Variants in GPHN observed in about 807,000 individuals in gnomAD.
GPHN encodes the protein gephyrin.
A neutral mutation model predicts 95.5 loss-of-function variants in GPHN; 17 were observed. The observed-to-expected ratio is 0.18, with a 90% CI of 0.12 to 0.27. The LOEUF (loss-of-function observed/expected upper bound fraction) is 0.27. Among genes scored for constraint, GPHN ranks in the 10% least tolerant of loss-of-function variants. The pLI is 1.00. For synonymous variants in GPHN, 320 were observed against 322.5 expected (o/e 0.99, Z 0.08); for missense variants, 660 against 978.1 (o/e 0.67, Z 4.34).
chr14:66,985,676 T>C (rs1455049966), intron 9 of GPHN: 1 of 1,524,502 alleles, frequency 6.6e-7, no homozygotes, highest in African/African-American at 1.4e-5. Flanking sequence ...TCTTCCCTCA[T>C]TGTAGCAAAT....
chr14:67,507,379 A>G, the GPHN span, among the ~76,000 whole-genome samples: 1 of 151,998 alleles, frequency 6.6e-6, no homozygotes, highest in Non-Finnish European at 1.5e-5. Flanking sequence ...ACAAAAAAAC[A>G]TCAACCAGAG....
intron 4 of GPHN, among the ~76,000 whole-genome samples, chr14:66,829,006 T>C (rs2153496806): frequency 6.6e-6 from 1 of 151,898 alleles, no homozygotes. Flanking sequence ...TATGAAAGCA[T>C]GATAATTCTC....
At chr14:67,023,756 G>T in intron 10 of GPHN, 81 bp downstream of exon 10, 2 of 1,107,214 alleles carry the variant, frequency 1.8e-6, no homozygotes, top group Non-Finnish European at 2.8e-6. Context: ...AAAAAAAGAA[G>T]AAAAGCAATG....
the GPHN span, chr14:67,695,753 C>A: frequency 3.2e-6 from 5 of 1,557,322 alleles, no homozygotes; most frequent in Middle Eastern, 1.7e-4. Context: ...CGTTGCTCGC[C>A]GACTATGGCT....
chr14:66,547,891 A>C (rs978035615), intron 1 of GPHN, among the ~76,000 whole-genome samples: 3 of 152,250 alleles, frequency 2.0e-5, no homozygotes, highest in African/African-American at 7.2e-5. Context: ...TAAAAGTGCC[A>C]TAAAACATTG....
chr14:67,731,913 G>A, the GPHN span, among the ~76,000 whole-genome samples: 21 of 151,888 alleles, frequency 1.4e-4, no homozygotes, highest in Admixed American at 1.2e-3. Flanking sequence ...GATCACTTGA[G>A]GTCAGGAGTT....
At chr14:67,123,927 GAC>G (rs1005309948) in intron 17 of GPHN, among the ~76,000 whole-genome samples, 2 of 152,096 alleles carry the variant, frequency 1.3e-5, no homozygotes, top group African/African-American at 4.8e-5. Flanking sequence ...CTAAACCTTG[GAC>G]ACAAGCATCT....
intron 9 of GPHN, among the ~76,000 whole-genome samples, chr14:66,965,702 C>G (rs888444007): frequency 1.3e-5 from 2 of 152,128 alleles, no homozygotes; most frequent in Non-Finnish European, 2.9e-5. Flanking sequence ...AATTGTGTCA[C>G]CAAAGGGATT....
chr14:67,018,154 A>C (rs1433034076), intron 9 of GPHN, among the ~76,000 whole-genome samples: 1 of 152,104 alleles, frequency 6.6e-6, no homozygotes, highest in African/African-American at 2.4e-5. Flanking sequence ...CTATATTAGA[A>C]TTTCAAATAA....
chr14:66,609,293 G>A (rs2062680225), intron 1 of GPHN, among the ~76,000 whole-genome samples: 1 of 152,108 alleles, frequency 6.6e-6, no homozygotes, highest in Non-Finnish European at 1.5e-5. Context: ...TGGCTTGTAA[G>A]TTTCTGCTGA....
intron 8 of GPHN, among the ~76,000 whole-genome samples, chr14:66,938,483 A>T (rs2153571091): frequency 6.6e-6 from 1 of 152,156 alleles, no homozygotes; most frequent in East Asian, 1.9e-4. Context: ...GTCCTGTGAT[A>T]ATTAATTATT....
chr14:66,788,493 G>A lies in GPHN; in HGVS notation c.201+11972G>A, dbSNP rs189528795. 4.2e-3 allele frequency among the ~76,000 whole-genome samples: 644 copies of A among 152,150 alleles called. 5 individuals are homozygous for A. The highest frequency in any genetic ancestry group is 7.6e-3 in the Non-Finnish European group (515 of 67,996). The stretch of plus-strand genomic sequence containing the variant: ...AATTGTAGGAGTTTCCCATTATTTG[G>A]AACACATACCAGTAACATATTTATA... On this transcript the variant is annotated intron_variant, in intron 3 of 22. Transcript: ENST00000478722.
intron 2 of GPHN, among the ~76,000 whole-genome samples, chr14:66,699,602 A>G (rs1255177168): frequency 1.3e-5 from 2 of 152,204 alleles, no homozygotes; most frequent in Non-Finnish European, 2.9e-5. Flanking sequence ...CTGGTATTTT[A>G]AAGTATTCTG....
At chr14:67,671,252 G>A in the GPHN span, among the ~76,000 whole-genome samples, 8 of 152,064 alleles carry the variant, frequency 5.3e-5, no homozygotes, top group East Asian at 1.9e-4. Flanking sequence ...GTGGTTGGGC[G>A]CAGTGGCTCA....
intron 2 of GPHN, among the ~76,000 whole-genome samples, chr14:66,701,985 C>T (rs2068597748): frequency 6.6e-6 from 1 of 152,190 alleles, no homozygotes; most frequent in African/African-American, 2.4e-5. Flanking sequence ...AGCTTGGTCC[C>T]AAGACATGTC....
chr14:67,309,178 G>A, the GPHN span, among the ~76,000 whole-genome samples: 7 of 151,974 alleles, frequency 4.6e-5, no homozygotes, highest in Admixed American at 4.6e-4. Flanking sequence ...TTCCTATGAG[G>A]GTCAGCTTAT....
chr14:66,792,770 T>C (rs757092856), intron 3 of GPHN, among the ~76,000 whole-genome samples: 10 of 152,236 alleles, frequency 6.6e-5, no homozygotes, highest in Non-Finnish European at 1.5e-5. Flanking sequence ...AGATGTGAAG[T>C]GGGAAATCAA....
chr14:67,573,479 C>T, the GPHN span: 1 of 872,398 alleles, frequency 1.1e-6, no homozygotes, highest in South Asian at 1.5e-5. The surrounding 1 kb of genome is among the most constrained non-coding windows in gnomAD (Gnocchi z 4.8). Flanking sequence ...GAATGTGGCC[C>T]AAGGCCAGAG....
chr14:67,001,889 C>T (rs1342264882), intron 9 of GPHN, among the ~76,000 whole-genome samples: 1 of 151,704 alleles, frequency 6.6e-6, no homozygotes, highest in Non-Finnish European at 1.5e-5. Flanking sequence ...TAAGTATCTT[C>T]TTGACCAGCA....
Sources: gnomAD v4.1 joint callset for allele counts (sites outside exome capture counted in the v4.1 genomes callset) on GRCh38, gnomAD v4.1.1 for gene constraint, Gnocchi (gnomAD v3.1) non-coding constraint, MANE v1.5 for transcripts, NCBI Gene and HGNC (gene_info 2026-07-23, HGNC 2026-07-21) for gene names.